DENND5A: variants seen among roughly 807,000 people sequenced by gnomAD.
DENND5A encodes DENN domain-containing protein 5A.
DENND5A carries 64 observed loss-of-function variants against 140.3 expected under a neutral mutation model. That is an observed-to-expected ratio of 0.46 (90% CI 0.37 to 0.56). DENND5A has a LOEUF of 0.56. Among genes scored for constraint, DENND5A ranks in the 20% least tolerant of loss-of-function variants. DENND5A has a pLI of 0.00. For synonymous variants in DENND5A, 605 were observed against 607.7 expected (o/e 1.00, Z 0.07); for missense variants, 1,292 against 1,593.8 (o/e 0.81, Z 3.22).
chr11:9,220,413 G>A (rs1850263467), intron 1 of DENND5A, among the ~76,000 whole-genome samples: 1 of 152,120 alleles, frequency 6.6e-6, no homozygotes. Flanking sequence ...CGGGCGTGGT[G>A]GCACATGCCC....
rs368094135 is a variant in DENND5A, at chr11:9,139,542, G to T, written c.*129C>A. 2.5e-6 allele frequency: 2 copies of T among 789,440 alleles called. No homozygotes were observed. The highest frequency in any genetic ancestry group is 1.7e-5 in the African/African-American group (1 of 57,148). 48.9% of individuals were successfully genotyped at this position (789,440 alleles called of 1,614,324 possible). ...GATTATTTATTCCAAAAATCCTCTA[G>T]TTTTCTTTTTACAGTGAGTGTACAT... On this transcript the variant is annotated 3_prime_UTR_variant, in exon 23 of 23. Coordinates refer to ENST00000328194, the MANE Select transcript of DENND5A (RefSeq NM_015213.4).
intron 11 of DENND5A, among the ~76,000 whole-genome samples, chr11:9,165,007 T>C (rs1451850070): frequency 6.6e-6 from 1 of 152,220 alleles, no homozygotes; most frequent in East Asian, 1.9e-4. Context: ...TGTTGTTCTT[T>C]TTTTTGTTTT....
chr11:9,141,812 A>G, intron 22 of DENND5A, 128 bp downstream of exon 22: 1 of 781,770 alleles, frequency 1.3e-6, no homozygotes. Context: ...GGCTTCTAGG[A>G]AACCTTCTAA....
At chr11:9,167,284 C>A (rs1033375334) in intron 10 of DENND5A, among the ~76,000 whole-genome samples, 1 of 151,866 alleles carries the variant, frequency 6.6e-6, no homozygotes, top group Non-Finnish European at 1.5e-5. Context: ...ACCAACCCCC[C>A]AAGGTTAGGG....
At chr11:9,142,670 C>A in intron 21 of DENND5A, 52 bp downstream of exon 21, 2 of 1,608,576 alleles carry the variant, frequency 1.2e-6, no homozygotes, top group South Asian at 1.1e-5. Context: ...GCTGGTGAGT[C>A]CCCTTATATC....
At chr11:9,253,057 G>A (rs1355009861) in intron 1 of DENND5A, among the ~76,000 whole-genome samples, 1 of 151,880 alleles carries the variant, frequency 6.6e-6, no homozygotes, top group East Asian at 1.9e-4. Flanking sequence ...TCGCCATGTT[G>A]CCCAGGATTG....
chr11:9,259,471 CA>C (rs1852095651), intron 1 of DENND5A, among the ~76,000 whole-genome samples: 1 of 151,920 alleles, frequency 6.6e-6, no homozygotes, highest in Admixed American at 6.6e-5. Context: ...GAGGCTGAGG[CA>C]GGAGAATGGC....
chr11:9,215,688 C>T (rs748752922), intron 1 of DENND5A, among the ~76,000 whole-genome samples: 18 of 151,294 alleles, frequency 1.2e-4, no homozygotes, highest in Non-Finnish European at 2.2e-4. Context: ...GCTGGGATTA[C>T]AGGCACACAC....
chr11:9,224,796 T>C (rs568973812), intron 1 of DENND5A, among the ~76,000 whole-genome samples: 1 of 149,032 alleles, frequency 6.7e-6, no homozygotes, highest in African/African-American at 2.5e-5. Context: ...AGGCAGAGGT[T>C]GCAGTGAGCC....
At chr11:9,263,409 C>T (rs1226863092) in intron 1 of DENND5A, among the ~76,000 whole-genome samples, 3 of 151,000 alleles carry the variant, frequency 2.0e-5, no homozygotes, top group African/African-American at 7.3e-5. Context: ...TTAGTAGAGA[C>T]GGGGGTTTCA....
chr11:9,161,377 GGA>G (rs1312451966), intron 11 of DENND5A, among the ~76,000 whole-genome samples: 1 of 152,096 alleles, frequency 6.6e-6, no homozygotes, highest in East Asian at 1.9e-4. Flanking sequence ...GTTAAGGAAA[GGA>G]TAAGAACACA....
intron 22 of DENND5A, 61 bp downstream of exon 22, chr11:9,141,879 G>A (rs1246080569): frequency 2.7e-6 from 4 of 1,472,194 alleles, no homozygotes; most frequent in African/African-American, 2.8e-5. Context: ...CACTGCACCA[G>A]GCCTCCAACA....
Position 9,178,218 on chromosome 11 carries a change from C to G in DENND5A, c.1820G>C (p.Arg607Pro). The G allele has an allele frequency of 6.2e-7, 1 of 1,614,102 alleles. No homozygotes were observed. Among genetic ancestry groups the G allele is most frequent in the Non-Finnish European group, 8.5e-7 (1 of 1,180,008 alleles). Residue 607 changes from arginine (R) to proline (P), a missense_variant, in exon 8 of 23, where the codon CGA becomes CCA. Arg to Pro is a moderately radical substitution (Grantham distance 103, BLOSUM62 -2). Coordinates refer to ENST00000328194, the MANE Select transcript of DENND5A (RefSeq NM_015213.4). Reference protein sequence around the residue: ...KDPVLRVFDSRVDKIRLLNVR... With the variant: ...KDPVLRVFDSPVDKIRLLNVR... ...ATTCAACAGCCTGATCTTGTCAACT[C>G]GGGAATCAAATACCCGGAGTACAGG... is the stretch of plus-strand genomic sequence containing the variant.
chr11:9,166,934 C>T (rs539515025), intron 10 of DENND5A, among the ~76,000 whole-genome samples: 2 of 152,060 alleles, frequency 1.3e-5, no homozygotes, highest in African/African-American at 4.8e-5. Flanking sequence ...CTGAGTAACA[C>T]TGAGAAAATA....
At chr11:9,235,686 C>T (rs1850971494) in intron 1 of DENND5A, among the ~76,000 whole-genome samples, 1 of 151,384 alleles carries the variant, frequency 6.6e-6, no homozygotes, top group African/African-American at 2.4e-5. Flanking sequence ...AAAAATCACG[C>T]TACCTGAAAG....
rs1590269474 is a variant in DENND5A, at chr11:9,202,448, G to C, written c.949+1212C>G. Among the ~76,000 whole-genome samples, 4 of 152,252 alleles carry C rather than the reference G, an allele frequency of 2.6e-5. 1 individual carries two copies. Among genetic ancestry groups the C allele is most frequent in the Middle Eastern group, 6.8e-3 (2 of 294 alleles). On this transcript the variant is annotated intron_variant, in intron 4 of 22. Transcript: ENST00000328194. ...AATGGTTCAGTTATGTTCACACACA[G>C]AGATCATAATAAAGCAAATGTGGCA...
intron 10 of DENND5A, among the ~76,000 whole-genome samples, 164 bp from the exon 11 acceptor site, chr11:9,166,131 T>G (rs565758190): frequency 6.6e-6 from 1 of 151,018 alleles, no homozygotes; most frequent in East Asian, 2.0e-4. Context: ...CAGGCTGGAG[T>G]GCAGTGGTGT....
chr11:9,243,678 G>T (rs936676791), intron 1 of DENND5A, among the ~76,000 whole-genome samples: 1 of 152,266 alleles, frequency 6.6e-6, no homozygotes, highest in African/African-American at 2.4e-5. Flanking sequence ...ACAAGGTCAG[G>T]AGTTTGACAC....
rs1302814179 is a variant in DENND5A, at chr11:9,142,685, C to T, written c.3511+37G>A. ...GCTGGTGAGTCCCCTTATATCTCTA[C>T]ATGCTTCTCCCACCCTCATACTCCA... is the stretch of plus-strand genomic sequence containing the variant. On this transcript the variant is annotated intron_variant, in intron 21 of 22. Coordinates refer to ENST00000328194, the MANE Select transcript of DENND5A (RefSeq NM_015213.4). 4.3e-6 allele frequency: 7 copies of T among 1,612,966 alleles called. 1 individual carries two copies. Among genetic ancestry groups the T allele is most frequent in the Non-Finnish European group, 8.5e-7 (1 of 1,179,432 alleles).
Sources: allele counts gnomAD v4.1 joint callset (sites outside exome capture counted in the v4.1 genomes callset), GRCh38; gene constraint gnomAD v4.1.1; transcripts MANE v1.5; gene names NCBI Gene and HGNC (gene_info 2026-07-23, HGNC 2026-07-21).